THEMIS: variants seen among roughly 807,000 people sequenced by gnomAD.
THEMIS encodes the protein thymocyte selection associated, also known as protein THEMIS.
In THEMIS, 37 loss-of-function variants were observed where a neutral mutation model predicts 52.6. The ratio of observed to expected loss-of-function variants is 0.70; its 90% CI spans 0.54 to 0.93. THEMIS has a LOEUF of 0.93. Ranked by LOEUF, THEMIS falls within the 40% of genes least tolerant of loss-of-function variation. The pLI, the probability that THEMIS is intolerant of heterozygous loss-of-function variation, is 0.00. For missense variants in THEMIS, 808 were observed against 763.1 expected, an observed-to-expected ratio of 1.06 and a Z score of -0.69; for synonymous variants, 292 against 272.7, an observed-to-expected ratio of 1.07 and a Z score of -0.70.
At chr6:127,795,607 C>T (rs911740357) in intron 4 of THEMIS, among the ~76,000 whole-genome samples, 2 of 152,248 alleles carry the variant, frequency 1.3e-5, no homozygotes, top group East Asian at 1.9e-4. Flanking sequence ...GGATTACAGG[C>T]GTGAGCCACC....
At chr6:127,821,273 C>T (rs1223126329) in intron 3 of THEMIS, among the ~76,000 whole-genome samples, 1 of 151,796 alleles carries the variant, frequency 6.6e-6, no homozygotes, top group East Asian at 1.9e-4. Flanking sequence ...CCAAAGAGTA[C>T]AAGCTAAATT....
intron 4 of THEMIS, among the ~76,000 whole-genome samples, chr6:127,756,593 C>T (rs62425513): frequency 0.12 from 18,959 of 152,064 alleles, 1,418 homozygotes; most frequent in Middle Eastern, 0.25. Flanking sequence ...TAGCTGTTTA[C>T]GAATATGACA....
chr6:127,890,547 A>G (rs1323835397), intron 1 of THEMIS, among the ~76,000 whole-genome samples: 1 of 152,160 alleles, frequency 6.6e-6, no homozygotes, highest in Non-Finnish European at 1.5e-5. Context: ...ATAGTGAATA[A>G]TAACTTATTG....
chr6:127,880,300 G>A (rs2114424421), intron 1 of THEMIS, among the ~76,000 whole-genome samples: 1 of 152,190 alleles, frequency 6.6e-6, no homozygotes, highest in South Asian at 2.1e-4. Context: ...TCTCATCTAA[G>A]ATTAGTTCAA....
At chr6:127,774,864 G>A (rs1367160574) in intron 4 of THEMIS, among the ~76,000 whole-genome samples, 3 of 152,150 alleles carry the variant, frequency 2.0e-5, no homozygotes, top group Admixed American at 6.5e-5. Flanking sequence ...GGCTAGTAGG[G>A]TGAGGGTGGA....
At chr6:127,862,761 G>C (rs542353021) in intron 1 of THEMIS, among the ~76,000 whole-genome samples, 1 of 151,776 alleles carries the variant, frequency 6.6e-6, no homozygotes, top group Admixed American at 6.6e-5. Flanking sequence ...ATAACATACC[G>C]AGTAGTCTCC....
chr6:127,787,521 A>T (rs1776992218), intron 4 of THEMIS, among the ~76,000 whole-genome samples: 1 of 152,162 alleles, frequency 6.6e-6, no homozygotes, highest in African/African-American at 2.4e-5. Context: ...GCACCAGGGA[A>T]ATGCTTTTAT....
At chr6:127,868,869 T>C (rs975406102) in intron 1 of THEMIS, among the ~76,000 whole-genome samples, 4 of 152,166 alleles carry the variant, frequency 2.6e-5, no homozygotes, top group Non-Finnish European at 5.9e-5. Flanking sequence ...TAAAAATCTA[T>C]GCAACTAATT....
chr6:127,803,212 T>G (rs761400171), intron 4 of THEMIS, among the ~76,000 whole-genome samples: 98 of 152,158 alleles, frequency 6.4e-4, no homozygotes, highest in Non-Finnish European at 1.0e-4. Flanking sequence ...ATGGCTGTAT[T>G]CAGGTATGAT....
intron 4 of THEMIS, among the ~76,000 whole-genome samples, chr6:127,728,463 C>T (rs1774630190): frequency 1.3e-5 from 2 of 152,176 alleles, no homozygotes; most frequent in Non-Finnish European, 2.9e-5. Flanking sequence ...CTGGAGGCTA[C>T]ATCTGTAACA....
chr6:127,751,052 A>G (rs937761092), intron 4 of THEMIS, among the ~76,000 whole-genome samples: 4 of 151,806 alleles, frequency 2.6e-5, no homozygotes, highest in Non-Finnish European at 5.9e-5. Flanking sequence ...AGGTAAGGGT[A>G]TAGTCAAATC....
intron 1 of THEMIS, among the ~76,000 whole-genome samples, chr6:127,891,538 CA>C (rs67886431): frequency 0.69 from 67,395 of 96,974 alleles, 21,211 homozygotes; most frequent in Middle Eastern, 0.76. Flanking sequence ...TCCAGCTCAA[CA>C]AAAAAAAAAA....
rs183020934 is a variant in THEMIS, at chr6:127,719,404, T to C, written c.1894+284A>G. 6.6e-5 allele frequency among the ~76,000 whole-genome samples: 10 copies of C among 152,012 alleles called. No individual in the cohort carries two copies. In the East Asian group the frequency reaches 1.9e-3, roughly 29 times the overall value. ...CATTGTTCCAGCAAAAATATTATTATCACAACAATACAAGTAATCTTGAAA... is the reference window on the plus strand; with the variant it reads ...CATTGTTCCAGCAAAAATATTATTACCACAACAATACAAGTAATCTTGAAA... On this transcript the variant is annotated intron_variant, in intron 5 of 5. Transcript: ENST00000368248.
rs576177918 is a variant in THEMIS at position 127,906,952 on chromosome 6, A to AC, written c.-149-5872dup. On this transcript the variant is annotated intron_variant, in intron 1 of 6. Coordinates refer to the THEMIS transcript ENST00000368250. ...AGTAGAACTGTCTGAATGTTAAAAA[A>AC]CAAAAAAAAAAATTCACAAGCAGAG... 4.1e-3 allele frequency among the ~76,000 whole-genome samples: 610 copies of AC among 149,052 alleles called. 6 individuals are homozygous for AC. Among genetic ancestry groups the AC allele is most frequent in the East Asian group, 0.037 (166 of 4,444 alleles).
intron 1 of THEMIS, among the ~76,000 whole-genome samples, chr6:127,889,085 C>T (rs1780728778): frequency 1.3e-5 from 2 of 152,028 alleles, no homozygotes; most frequent in South Asian, 4.1e-4. Context: ...TGGATGAGGA[C>T]ATGTTCTCTG....
At chr6:127,883,941 T>C (rs1341815243) in intron 1 of THEMIS, among the ~76,000 whole-genome samples, 1 of 152,094 alleles carries the variant, frequency 6.6e-6, no homozygotes, top group Non-Finnish European at 1.5e-5. Context: ...TTATATGTGC[T>C]TACACACCCA....
chr6:127,825,478 T>C (rs556193564), intron 3 of THEMIS, among the ~76,000 whole-genome samples: 1 of 152,178 alleles, frequency 6.6e-6, no homozygotes. Context: ...AAACTATCAA[T>C]CTTATATGTG....
intron 4 of THEMIS, among the ~76,000 whole-genome samples, chr6:127,762,187 T>C (rs11961390): frequency 0.039 from 5,895 of 152,190 alleles, 140 homozygotes; most frequent in Middle Eastern, 0.061. Context: ...TTCTATTATA[T>C]GATGTATCTA....
At chr6:127,791,787 G>A (rs1048574269) in intron 4 of THEMIS, among the ~76,000 whole-genome samples, 7 of 152,310 alleles carry the variant, frequency 4.6e-5, no homozygotes, top group Non-Finnish European at 8.8e-5. Flanking sequence ...TCTGGAGGAG[G>A]CTGAGGTGAT....
Sources: allele counts gnomAD v4.1 joint callset (sites outside exome capture counted in the v4.1 genomes callset), GRCh38; gene constraint gnomAD v4.1.1; transcripts MANE v1.5; gene names NCBI Gene and HGNC (gene_info 2026-07-23, HGNC 2026-07-21).